The following ITLN2 variants were observed in gnomAD, a reference collection of about 807,000 sequenced individuals.
The protein encoded by ITLN2 is intelectin 2, also known as intelectin-2.
Under a neutral mutation model 39.4 loss-of-function variants are expected in ITLN2, and 29 were observed. The observed-to-expected ratio is 0.74, with a 90% CI of 0.55 to 1.00. ITLN2 has a LOEUF of 1.00. Among genes scored for constraint, ITLN2 ranks in the 50% least tolerant of loss-of-function variants. The probability of loss-of-function intolerance (pLI) is 0.00; values close to 1 mark genes in which losing one functional copy is unlikely to be tolerated. For synonymous variants in ITLN2, 156 were observed against 153.4 expected (o/e 1.02, Z -0.12); for missense variants, 412 against 416.7 (o/e 0.99, Z 0.10).
chr1:160,947,303 C>T (rs1386057391), intron 7 of ITLN2, among the ~76,000 whole-genome samples: 2 of 152,206 alleles, frequency 1.3e-5, no homozygotes, highest in Non-Finnish European at 1.5e-5. Context: ...CAGCATATCT[C>T]GCCTCCAGCC....
intron 3 of ITLN2, among the ~76,000 whole-genome samples, chr1:160,951,808 T>C (rs1412529267): frequency 6.6e-6 from 1 of 152,194 alleles, no homozygotes; most frequent in Non-Finnish European, 1.5e-5. Flanking sequence ...AAGCCTGTGG[T>C]CTTCCCCAAA....
chr1:160,947,439 C>T (rs1430132922), intron 7 of ITLN2, among the ~76,000 whole-genome samples: 1 of 152,192 alleles, frequency 6.6e-6, no homozygotes, highest in Non-Finnish European at 1.5e-5. Context: ...GCAAAGAAGC[C>T]TTCCTCTTTC....
chr1:160,949,791 A>G (rs1671697001), intron 6 of ITLN2: 1 of 400,340 alleles, frequency 2.5e-6, no homozygotes, highest in Non-Finnish European at 4.6e-6. Flanking sequence ...TTTTCCCCAC[A>G]ATTATAAGAG....
Position 160,945,230 on chromosome 1 carries a change from G to A in ITLN2, c.888C>T (p.Ser296=), listed in dbSNP as rs771980453. The A allele has an allele frequency of 4.4e-6, 7 of 1,607,076 alleles. No individual in the cohort carries two copies. The highest frequency in any genetic ancestry group is 1.3e-5 in the African/African-American group (1 of 74,456). The part of the protein sequence containing the change: ...QGKPRQCGDF[S]AFDWDGYGTH... Reference sequence around the variant, plus strand: ...TTCCATATCCATCCCAGTCAAAGGCGGAGAAGTCCCCACACTGACGGGGTT... The same window carrying A: ...TTCCATATCCATCCCAGTCAAAGGCAGAGAAGTCCCCACACTGACGGGGTT... The change falls in exon 8 of 8, where the codon TCC becomes TCT. Residue 296 remains serine (S), a synonymous_variant. Transcript: ENST00000368029.
intron 2 of ITLN2, 98 bp from the exon 3 acceptor site, chr1:160,952,831 G>A (rs1279068719): frequency 2.4e-6 from 2 of 846,264 alleles, no homozygotes; most frequent in Non-Finnish European, 3.9e-6. Flanking sequence ...ACTCTGCTCT[G>A]AAGTCCCAGG....
Position 160,945,262 on chromosome 1 carries a change from G to A in ITLN2, c.856C>T (p.Gln286Ter), listed in dbSNP as rs766818723. Residue 286 changes from glutamine (Q) to a stop codon, truncating the protein, a stop_gained, in exon 8 of 8, where the codon CAG becomes TAG. Coordinates refer to ENST00000368029, the MANE Select transcript of ITLN2 (RefSeq NM_080878.3). LOFTEE classifies it high-confidence loss of function. ...TCCCCACACTGACGGGGTTTGCCCT[G>A]TGGGAAGAACCCTCCTCCACCGATG... ...HCIGGGGFFPQGKPRQCGDFS... is the reference protein window; with the variant it reads ...HCIGGGGFFP 4 of 1,588,678 alleles carry A rather than the reference G, an allele frequency of 2.5e-6. No individual in the cohort carries two copies. Among genetic ancestry groups the A allele is most frequent in the Non-Finnish European group, 2.6e-6 (3 of 1,173,328 alleles).
intron 3 of ITLN2, among the ~76,000 whole-genome samples, chr1:160,951,767 C>T (rs1418517113): frequency 6.6e-6 from 1 of 152,218 alleles, no homozygotes; most frequent in Non-Finnish European, 1.5e-5. Context: ...GCATAGGCCA[C>T]ATAGGGACAG....
At chr1:160,945,410 G>T in intron 7 of ITLN2, 118 bp from the exon 8 acceptor site, 1 of 894,866 alleles carries the variant, frequency 1.1e-6, no homozygotes, top group Non-Finnish European at 1.6e-6. Flanking sequence ...GCCTCCCAAA[G>T]TGCTAGGATT....
chr1:160,952,751 G>T lies in ITLN2; in HGVS notation c.80-18C>A. On this transcript the variant is annotated intron_variant, in intron 2 of 7. Transcript: ENST00000368029. ...GGCTGCTGCTAGAAAATGTGAGAAT[G>T]AGTCTCATTAGAAGTCTGACCACTG... 2 of 1,567,532 alleles carry T rather than the reference G, an allele frequency of 1.3e-6. No homozygotes were observed. Among genetic ancestry groups the T allele is most frequent in the East Asian group, 2.2e-5 (1 of 44,664 alleles).
chr1:160,947,327 C>T (rs1235676527), intron 7 of ITLN2, among the ~76,000 whole-genome samples: 1 of 152,232 alleles, frequency 6.6e-6, no homozygotes, highest in Non-Finnish European at 1.5e-5. Flanking sequence ...GGGCGGTTTT[C>T]TCCTATCTCA....
Position 160,950,693 on chromosome 1 carries a change from T to C in ITLN2, c.460A>G (p.Ile154Val), listed in dbSNP as rs779964792. Residue 154 changes from isoleucine to valine, a missense_variant, in exon 5 of 8, where the codon ATC becomes GTC. Coordinates refer to ENST00000368029, the MANE Select transcript of ITLN2 (RefSeq NM_080878.3). ...CAGATGCCCAGGTCCTTGGCCTGGATGTCGTAGTAGCCAGGGTTCTGGAAA... is the reference window on the plus strand; with the variant it reads ...CAGATGCCCAGGTCCTTGGCCTGGACGTCGTAGTAGCCAGGGTTCTGGAAA... ...DDYKNPGYYD[I>V]QAKDLGIWHV... 3.7e-6 allele frequency: 6 copies of C among 1,613,582 alleles called. No individual in the cohort carries two copies. In the Admixed American group the frequency reaches 1.0e-4, roughly 27 times the overall value.
intron 6 of ITLN2, 184 bp downstream of exon 6, chr1:160,949,862 T>G: frequency 1.7e-6 from 1 of 587,078 alleles, no homozygotes; most frequent in Non-Finnish European, 3.0e-6. Flanking sequence ...ATAACAGCAA[T>G]TCTAACTTCA....
Position 160,954,806 on chromosome 1 carries a change from T to A in ITLN2, c.-65A>T. ...ACACTCGGAGCTCCCCTGCAGAGGATCCTGATGAAGGGTGAAGTGCTGGTC... is the reference window on the plus strand; with the variant it reads ...ACACTCGGAGCTCCCCTGCAGAGGAACCTGATGAAGGGTGAAGTGCTGGTC... On this transcript the variant is annotated 5_prime_UTR_variant, in exon 1 of 8. Coordinates refer to ENST00000368029, the MANE Select transcript of ITLN2 (RefSeq NM_080878.3). The A allele has an allele frequency of 6.4e-7, 1 of 1,571,158 alleles. No homozygotes were observed. Among genetic ancestry groups the A allele is most frequent in the East Asian group, 2.2e-5 (1 of 44,674 alleles).
Position 160,951,302 on chromosome 1 carries a change from A to T in ITLN2, c.194-12T>A. 2 of 1,564,888 alleles carry T rather than the reference A, an allele frequency of 1.3e-6. No homozygotes were observed. Among genetic ancestry groups the T allele is most frequent in the Non-Finnish European group, 1.7e-6 (2 of 1,152,818 alleles). ...AAAATACAGGCCATCTGTAGAGAGA[A>T]CCAGCCCAGAGCCTCCCTGTCTGAG... On this transcript the variant is annotated splice_polypyrimidine_tract_variant and intron_variant, in intron 3 of 7. Coordinates refer to ENST00000368029, the MANE Select transcript of ITLN2 (RefSeq NM_080878.3).
intron 3 of ITLN2, 148 bp from the exon 4 acceptor site, chr1:160,951,438 G>T: frequency 9.1e-7 from 1 of 1,097,064 alleles, no homozygotes; most frequent in South Asian, 1.7e-5. Flanking sequence ...TGCATCTTGT[G>T]TTCTGCTCAC....
At chr1:160,954,670 G>A (rs1671823079) in intron 1 of ITLN2, 57 bp downstream of exon 1, 1 of 1,598,916 alleles carries the variant, frequency 6.3e-7, no homozygotes, top group Non-Finnish European at 8.6e-7. Flanking sequence ...CTCTAAAACT[G>A]AGACCTGAGC....
Position 160,951,434 on chromosome 1 carries a change from TTGTGTTCTGCTCACCTA to T in ITLN2, c.194-161_194-145del, listed in dbSNP as rs1274162523. 1.9e-5 allele frequency: 21 copies of T among 1,118,714 alleles called. 1 individual carries two copies. The African/African-American group carries it at 3.0e-4, about 16-fold the overall frequency. The allele number at this position is 1,118,714 out of a possible 1,614,324, so 69.3% of individuals were successfully genotyped here. A position where few individuals can be genotyped will look rare whatever the true frequency, so the allele number is the denominator to read the frequency against. ...GCTGGAAGACGATGCTCCATGCATC[TTGTGTTCTGCTCACCTA>T]TGAGCAGAGGCACTGACTGTCTTGG... On this transcript the variant is annotated intron_variant, in intron 3 of 7. Transcript: ENST00000368029.
chr1:160,953,608 G>T (rs1178702541), intron 2 of ITLN2, among the ~76,000 whole-genome samples: 1 of 152,080 alleles, frequency 6.6e-6, no homozygotes, highest in Non-Finnish European at 1.5e-5. Flanking sequence ...CTACTGGGGA[G>T]GCTGAGGCAG....
chr1:160,950,216 A>G, intron 5 of ITLN2, 50 bp from the exon 6 acceptor site: 1 of 1,600,510 alleles, frequency 6.2e-7, no homozygotes, highest in South Asian at 1.1e-5. Flanking sequence ...AGATGCTGCC[A>G]CAGTGTGGGG....
Sources: allele counts gnomAD v4.1 joint callset (sites outside exome capture counted in the v4.1 genomes callset), GRCh38; gene constraint gnomAD v4.1.1; transcripts MANE v1.5; gene names NCBI Gene and HGNC (gene_info 2026-07-23, HGNC 2026-07-21).